Variants in RAB3GAP2 observed in about 807,000 individuals in gnomAD.
The protein encoded by RAB3GAP2 is rab3 GTPase-activating protein non-catalytic subunit.
A neutral mutation model predicts 185.3 loss-of-function variants in RAB3GAP2; 87 were observed. The ratio of observed to expected loss-of-function variants is 0.47; its 90% CI spans 0.39 to 0.56. RAB3GAP2 has a LOEUF of 0.56. Among genes scored for constraint, RAB3GAP2 ranks in the 20% least tolerant of loss-of-function variants. The pLI is 0.00. For missense variants in RAB3GAP2, 1,492 were observed against 1,638.2 expected (o/e 0.91, Z 1.54); for synonymous variants, 554 against 576.1 (o/e 0.96, Z 0.55).
chr1:220,261,343 C>G (rs1375504277), intron 1 of RAB3GAP2, among the ~76,000 whole-genome samples: 1 of 152,176 alleles, frequency 6.6e-6, no homozygotes, highest in Non-Finnish European at 1.5e-5. Context: ...AAGCATAGTA[C>G]TCATTCAAAA....
chr1:220,181,784 T>A (rs1270887381), intron 21 of RAB3GAP2, among the ~76,000 whole-genome samples: 5 of 152,164 alleles, frequency 3.3e-5, no homozygotes, highest in African/African-American at 1.2e-4. Context: ...GCATGGTGGT[T>A]CTTGTCTGTA....
At chr1:220,183,167 G>C (rs986935641) in intron 19 of RAB3GAP2, among the ~76,000 whole-genome samples, 3 of 151,888 alleles carry the variant, frequency 2.0e-5, no homozygotes, top group Non-Finnish European at 2.9e-5. Context: ...TGGTACTAGA[G>C]GTAGGTACTA....
At position 220,211,021 on chromosome 1, in the gene RAB3GAP2, T is replaced by C. The variant is rs985342009; in HGVS notation, c.387-19A>G. 2 of 1,609,788 alleles carry C rather than the reference T, an allele frequency of 1.2e-6. No homozygotes were observed. The highest frequency in any genetic ancestry group is 2.0e-4 in the Middle Eastern group (1 of 5,066). On this transcript the variant is annotated intron_variant, in intron 4 of 34. Transcript: ENST00000358951. ...ACATTCCCTAAAAACAAAAACAAAA[T>C]CATATGCTTACCCACTGAACTTACC...
At chr1:220,212,305 G>C (rs550011109) in intron 4 of RAB3GAP2, among the ~76,000 whole-genome samples, 10 of 152,120 alleles carry the variant, frequency 6.6e-5, no homozygotes, top group Non-Finnish European at 1.5e-4. Context: ...AGAGGGAAAA[G>C]ACAAAATGTA....
chr1:220,156,686 G>A (rs987944338), intron 31 of RAB3GAP2, among the ~76,000 whole-genome samples: 3 of 152,198 alleles, frequency 2.0e-5, no homozygotes, highest in African/African-American at 7.2e-5. Context: ...TATAGTCATG[G>A]AGAGAAACGG....
chr1:220,211,842 A>T (rs1441422784), intron 4 of RAB3GAP2, among the ~76,000 whole-genome samples: 1 of 152,216 alleles, frequency 6.6e-6, no homozygotes. Context: ...TCTGACAGAG[A>T]TCAAATGTCT....
chr1:220,154,274 CTA>C (rs1386637541), intron 31 of RAB3GAP2: 1 of 567,728 alleles, frequency 1.8e-6, no homozygotes, highest in Admixed American at 3.6e-5. Flanking sequence ...TTCGTGTTTC[CTA>C]TAGTCTCCTC....
chr1:220,197,293 AG>A (rs1463745979), intron 9 of RAB3GAP2, among the ~76,000 whole-genome samples: 7 of 152,018 alleles, frequency 4.6e-5, no homozygotes, highest in Admixed American at 1.3e-4. Context: ...CAGCCAATAT[AG>A]GCGTGTGCTG....
Position 220,272,270 on chromosome 1 carries a change from G to A in RAB3GAP2, c.68C>T (p.Pro23Leu), listed in dbSNP as rs780783101. 4 of 1,612,296 alleles carry A rather than the reference G, an allele frequency of 2.5e-6. No individual in the cohort carries two copies. Among genetic ancestry groups the A allele is most frequent in the Non-Finnish European group, 3.4e-6 (4 of 1,179,636 alleles). The change falls in exon 1 of 35, where the codon CCT (proline) becomes CTT (leucine). Residue 23 changes from proline (P) to leucine (L), a missense_variant. Physicochemically the swap from Pro to Leu is moderately conservative, Grantham distance 98. Transcript: ENST00000358951. ...GCTGAGGATCTCCTCCCGCAGGTGA[G>A]GAAAGAGGAAGTCCCGGGCGGCCTG... The part of the protein sequence containing the change: ...DLQAARDFLF[P>L]HLREEILSGA...
chr1:220,234,285 C>T (rs891045145), intron 1 of RAB3GAP2, among the ~76,000 whole-genome samples: 2 of 151,528 alleles, frequency 1.3e-5, no homozygotes, highest in Admixed American at 6.6e-5. Context: ...GGGGGGAAAA[C>T]AATTTAAAAG....
chr1:220,162,362 AGACT>A, intron 27 of RAB3GAP2, 94 bp from the exon 28 acceptor site: 1 of 826,558 alleles, frequency 1.2e-6, no homozygotes, highest in Non-Finnish European at 2.0e-6. Context: ...TAAACTATAT[AGACT>A]ATTTTGATTT....
chr1:220,252,348 T>C (rs1335428034), intron 1 of RAB3GAP2, among the ~76,000 whole-genome samples: 1 of 152,038 alleles, frequency 6.6e-6, no homozygotes, highest in African/African-American at 2.4e-5. Context: ...AATTAGCTTG[T>C]GTGTATGTGT....
intron 1 of RAB3GAP2, among the ~76,000 whole-genome samples, chr1:220,263,410 A>G (rs1660175536): frequency 6.6e-6 from 1 of 152,034 alleles, no homozygotes; most frequent in Non-Finnish European, 1.5e-5. Context: ...TTTTATTCTA[A>G]AGTTTTACAG....
chr1:220,230,686 A>C (rs1299150766), intron 2 of RAB3GAP2, among the ~76,000 whole-genome samples: 1 of 152,216 alleles, frequency 6.6e-6, no homozygotes, highest in African/African-American at 2.4e-5. Flanking sequence ...CAGTTATTCA[A>C]GCCAAATATC....
chr1:220,248,758 A>G (rs1659872283), intron 1 of RAB3GAP2, among the ~76,000 whole-genome samples: 1 of 152,008 alleles, frequency 6.6e-6, no homozygotes, highest in South Asian at 2.1e-4. Flanking sequence ...CATAATCCCC[A>G]TGTGCCATGG....
Position 220,184,183 on chromosome 1 carries a change from GTA to G in RAB3GAP2, c.1871-22_1871-21del. 1 of 1,593,108 alleles carries G rather than the reference GTA, an allele frequency of 6.3e-7. No homozygotes were observed. Among genetic ancestry groups the G allele is most frequent in the Non-Finnish European group, 8.6e-7 (1 of 1,162,154 alleles). On this transcript the variant is annotated intron_variant, in intron 18 of 34. Transcript: ENST00000358951. ...CAAGTTCTAAAAGGCAGAAGGAAAAGTATATATAAGAGATATATTTAACAGAC... is the reference window on the plus strand; with the variant it reads ...CAAGTTCTAAAAGGCAGAAGGAAAAGTATATAAGAGATATATTTAACAGAC...
chr1:220,258,586 T>A (rs936021766), intron 1 of RAB3GAP2, among the ~76,000 whole-genome samples: 4 of 152,112 alleles, frequency 2.6e-5, no homozygotes, highest in African/African-American at 7.2e-5. Context: ...GGAACATACC[T>A]CAAAATAGTA....
chr1:220,247,994 T>C (rs1659850844), intron 1 of RAB3GAP2, among the ~76,000 whole-genome samples: 1 of 151,392 alleles, frequency 6.6e-6, no homozygotes. Flanking sequence ...CAAAAACCAA[T>C]AAAATAATAA....
intron 24 of RAB3GAP2, 46 bp downstream of exon 24, chr1:220,170,846 T>A: frequency 6.7e-7 from 1 of 1,484,532 alleles, no homozygotes; most frequent in Non-Finnish European, 9.4e-7. Context: ...GAAACCCTCG[T>A]AACATAAAAA....
Sources: gnomAD v4.1 joint callset for allele counts (sites outside exome capture counted in the v4.1 genomes callset) on GRCh38, gnomAD v4.1.1 for gene constraint, MANE v1.5 for transcripts, NCBI Gene and HGNC (gene_info 2026-07-23, HGNC 2026-07-21) for gene names.